CDH20: variants seen among roughly 807,000 people sequenced by gnomAD.
CDH20 encodes cadherin-20.
CDH20 carries 29 observed loss-of-function variants against 74.2 expected under a neutral mutation model. That is an observed-to-expected ratio of 0.39 (90% CI 0.29 to 0.53). The LOEUF (loss-of-function observed/expected upper bound fraction) is 0.53. CDH20 is among the 20% of genes least tolerant of loss of function. The pLI is 0.69. For missense variants in CDH20, 988 were observed against 1,048.3 expected, an observed-to-expected ratio of 0.94 and a Z score of 0.79; for synonymous variants, 469 against 405.4, an observed-to-expected ratio of 1.16 and a Z score of -1.88.
intron 1 of CDH20, among the ~76,000 whole-genome samples, chr18:61,478,289 T>C (rs1910463136): frequency 6.6e-6 from 1 of 152,178 alleles, no homozygotes; most frequent in Non-Finnish European, 1.5e-5. Context: ...ATTTGATCAC[T>C]CTTTTTTGGA....
intron 1 of CDH20, among the ~76,000 whole-genome samples, chr18:61,352,815 C>G (rs1448412946): frequency 5.3e-5 from 8 of 152,138 alleles, no homozygotes. Flanking sequence ...AACACAAAAT[C>G]CTTGGGTGGC....
In CDH20 at chr18:61,538,988, A is replaced by G. The variant is rs370213256; in HGVS notation, c.1409-36A>G. ...TCTTTTTTTTCTTTTGGCATTACTA[A>G]ACTCTCAGATTTGGTTTTCCTTGTG... On this transcript the variant is annotated intron_variant, in intron 8 of 11. Coordinates refer to ENST00000262717, the MANE Select transcript of CDH20 (RefSeq NM_031891.4). 21 of 1,605,726 alleles carry G rather than the reference A, an allele frequency of 1.3e-5. 1 individual carries two copies. In the Middle Eastern group the frequency reaches 1.0e-3, roughly 76 times the overall value.
At position 61,382,976 on chromosome 18, in the gene CDH20, G is replaced by A. The variant is rs1039291128; in HGVS notation, c.-153+49149G>A. 2.6e-5 allele frequency among the ~76,000 whole-genome samples: 4 copies of A among 152,092 alleles called. No homozygotes were observed. In the South Asian group the frequency reaches 8.3e-4, roughly 32 times the overall value. On this transcript the variant is annotated intron_variant, in intron 1 of 11. Coordinates refer to ENST00000262717, the MANE Select transcript of CDH20 (RefSeq NM_031891.4). The stretch of plus-strand genomic sequence containing the variant: ...TCAGCTTCTCTGCTGACTAGATTAC[G>A]GTCTTGGACAAGCTTCTCAATCTCT...
chr18:61,397,811 ATAGAG>A (rs1271939742), intron 1 of CDH20, among the ~76,000 whole-genome samples: 1 of 152,212 alleles, frequency 6.6e-6, no homozygotes, highest in Non-Finnish European at 1.5e-5. Flanking sequence ...AACACACCTC[ATAGAG>A]TAATTATGAG....
chr18:61,555,710 G>T lies in CDH20; in HGVS notation c.*1015G>T. 2.1e-6 allele frequency: 2 copies of T among 958,992 alleles called. No homozygotes were observed. Among genetic ancestry groups the T allele is most frequent in the Non-Finnish European group, 2.5e-6 (2 of 805,884 alleles). The allele number at this position is 958,992 out of a possible 1,614,324, so 59.4% of individuals were successfully genotyped here. A position where few individuals can be genotyped will look rare whatever the true frequency, so the allele number is the denominator to read the frequency against. ...TTTTGTATATTTGTTAATAATTTTG[G>T]TAATAAATATGATGTACTGCATCTC... On this transcript the variant is annotated 3_prime_UTR_variant, in exon 12 of 12. Coordinates refer to ENST00000262717, the MANE Select transcript of CDH20 (RefSeq NM_031891.4).
chr18:61,481,306 T>G (rs546433233), intron 1 of CDH20, among the ~76,000 whole-genome samples: 2 of 152,236 alleles, frequency 1.3e-5, no homozygotes, highest in Non-Finnish European at 2.9e-5. Context: ...ATATATATTT[T>G]CAACTTAATC....
intron 1 of CDH20, among the ~76,000 whole-genome samples, chr18:61,465,079 A>G (rs1568149995): frequency 1.3e-5 from 2 of 152,356 alleles, no homozygotes; most frequent in Middle Eastern, 3.4e-3. Flanking sequence ...CTCCCAAGTA[A>G]ACCCTCAGGA....
chr18:61,379,378 T>C (rs530997987), intron 1 of CDH20, among the ~76,000 whole-genome samples: 7 of 152,308 alleles, frequency 4.6e-5, no homozygotes, highest in South Asian at 4.1e-4. Context: ...AATCGCTTTA[T>C]TGAGGATGCC....
At chr18:61,384,855 G>A (rs964936559) in intron 1 of CDH20, among the ~76,000 whole-genome samples, 7 of 152,106 alleles carry the variant, frequency 4.6e-5, no homozygotes, top group Non-Finnish European at 7.4e-5. Flanking sequence ...AGTATTAAGC[G>A]TGATATGATT....
chr18:61,554,680 C>T lies in CDH20; in HGVS notation c.2391C>T (p.Pro797=), dbSNP rs1441460262. 3.2e-6 allele frequency: 5 copies of T among 1,572,480 alleles called. No individual in the cohort carries two copies. The African/African-American group carries it at 4.0e-5, about 13-fold the overall frequency. The change falls in exon 12 of 12, where the codon CCC becomes CCT. Residue 797 remains proline, a synonymous_variant. Coordinates refer to ENST00000262717, the MANE Select transcript of CDH20 (RefSeq NM_031891.4). ...LAELYGASEG[P]APLW ...AGCTCTACGGGGCGTCGGAGGGACC[C>T]GCGCCGCTGTGGTGACGGAAGCCAG... is the stretch of plus-strand genomic sequence containing the variant.
intron 2 of CDH20, among the ~76,000 whole-genome samples, chr18:61,495,945 C>T (rs1370195268): frequency 1.3e-5 from 2 of 151,956 alleles, no homozygotes; most frequent in African/African-American, 4.8e-5. Context: ...ATGCTTCCTG[C>T]TTCCCTGGGG....
intron 1 of CDH20, among the ~76,000 whole-genome samples, chr18:61,435,096 A>G (rs751768989): frequency 3.3e-5 from 5 of 152,290 alleles, no homozygotes; most frequent in South Asian, 2.1e-4. Flanking sequence ...ATTCCTATAC[A>G]TTAGACTTAC....
chr18:61,505,857 T>C (rs187160719), intron 5 of CDH20, among the ~76,000 whole-genome samples: 111 of 152,350 alleles, frequency 7.3e-4, no homozygotes, highest in African/African-American at 2.5e-3. Context: ...TTGCATTCTC[T>C]CTTCATTAAA....
At chr18:61,363,435 G>T (rs1028305423) in intron 1 of CDH20, among the ~76,000 whole-genome samples, 1 of 152,084 alleles carries the variant, frequency 6.6e-6, no homozygotes, top group African/African-American at 2.4e-5. Context: ...AACTTATAGT[G>T]GGGGAAAAAG....
intron 8 of CDH20, among the ~76,000 whole-genome samples, chr18:61,538,605 T>TTTTTTTC (rs1912902889): frequency 2.5e-5 from 1 of 40,244 alleles, no homozygotes; most frequent in Non-Finnish European, 4.4e-5. Flanking sequence ...TGTTTTTGTT[T>TTTTTTTC]TTGTTTTTGT....
At chr18:61,424,410 GTCTC>G (rs1208741190) in intron 1 of CDH20, among the ~76,000 whole-genome samples, 2 of 152,178 alleles carry the variant, frequency 1.3e-5, no homozygotes, top group Admixed American at 1.3e-4. Context: ...ACCAAAATGT[GTCTC>G]TCTGAGCATT....
intron 9 of CDH20, among the ~76,000 whole-genome samples, chr18:61,539,418 C>A (rs546232384): frequency 4.0e-4 from 61 of 152,198 alleles, no homozygotes; most frequent in South Asian, 3.3e-3. Flanking sequence ...CCAGCCTGGG[C>A]AACATCGTGA....
intron 7 of CDH20, among the ~76,000 whole-genome samples, chr18:61,535,323 A>G (rs920630473): frequency 1.3e-5 from 2 of 152,106 alleles, no homozygotes; most frequent in Non-Finnish European, 2.9e-5. Context: ...CTCAGAAAAA[A>G]AAAAGAATTA....
chr18:61,416,635 A>G (rs1337443235), intron 1 of CDH20, among the ~76,000 whole-genome samples: 5 of 152,356 alleles, frequency 3.3e-5, no homozygotes, highest in Non-Finnish European at 4.4e-5. Context: ...GCCCTAGATT[A>G]GTCAGTGTCC....
Sources: allele counts gnomAD v4.1 joint callset (sites outside exome capture counted in the v4.1 genomes callset), GRCh38; gene constraint gnomAD v4.1.1; transcripts MANE v1.5; gene names NCBI Gene and HGNC (gene_info 2026-07-23, HGNC 2026-07-21).